Variants in TRIM14 observed in about 807,000 individuals in gnomAD.
TRIM14 encodes tripartite motif containing 14.
In TRIM14, 28 loss-of-function variants were observed where a neutral mutation model predicts 44.5. The observed-to-expected ratio is 0.63, with a 90% CI of 0.47 to 0.86. TRIM14 has a LOEUF of 0.86. TRIM14 is among the 40% of genes least tolerant of loss of function. TRIM14 has a pLI of 0.00. For synonymous variants in TRIM14, 299 were observed against 269.2 expected (o/e 1.11, Z -1.08); for missense variants, 607 against 611.1 (o/e 0.99, Z 0.07).
chr9:98,100,936 A>G (rs2118463140), intron 2 of TRIM14, among the ~76,000 whole-genome samples: 1 of 152,278 alleles, frequency 6.6e-6, no homozygotes, highest in African/African-American at 2.4e-5. Flanking sequence ...CCCAAAGAAT[A>G]AATCAATTAG....
rs1226695623 is a variant in TRIM14 at position 98,119,090 on chromosome 9, C to T, written c.99G>A (p.Glu33=). ...RCPEHGDRVA[E]LFCRRCRRCV... ...AGCGGCGGCAGCGGCGACAGAAGAG[C>T]TCAGCCACGCGGTCGCCATGCTCCG... is the stretch of plus-strand genomic sequence containing the variant. The change falls in exon 1 of 6, where the codon GAG becomes GAA. Residue 33 remains glutamate (E), a synonymous_variant. Transcript: ENST00000341469. 1 of 1,586,486 alleles carries T rather than the reference C, an allele frequency of 6.3e-7. No individual in the cohort carries two copies. The highest frequency in any genetic ancestry group is 2.3e-5 in the East Asian group (1 of 43,472).
chr9:98,036,069 C>T, the TRIM14 span, among the ~76,000 whole-genome samples: 9,568 of 151,456 alleles, frequency 0.063, 966 homozygotes, highest in African/African-American at 0.22. Context: ...ATTAGCCAGG[C>T]GTGGTGGCAT....
chr9:98,111,096 C>T (rs1243456504), intron 1 of TRIM14, among the ~76,000 whole-genome samples: 1 of 151,944 alleles, frequency 6.6e-6, no homozygotes, highest in Non-Finnish European at 1.5e-5. Flanking sequence ...AGCTTCTTTC[C>T]CAACCAGCCA....
At chr9:98,089,713 A>G (rs1283341907) in intron 5 of TRIM14, among the ~76,000 whole-genome samples, 4 of 152,200 alleles carry the variant, frequency 2.6e-5, no homozygotes, top group Admixed American at 6.5e-5. Flanking sequence ...TCTGCCCTCA[A>G]TGGCACCAGC....
Position 98,087,985 on chromosome 9 carries a change from C to A in TRIM14, c.814G>T (p.Asp272Tyr). 6.4e-7 allele frequency: 1 copy of A among 1,553,888 alleles called. No individual in the cohort carries two copies. The highest frequency in any genetic ancestry group is 8.6e-7 in the Non-Finnish European group (1 of 1,161,848). The stretch of plus-strand genomic sequence containing the variant: ...AGGCGCGCGTGCATCGTGTCAGGAT[C>A]CAGCGTGGGCGTGCGCGCGTCTGCA... The part of the protein sequence containing the change: ...LLKYARTPTL[D>Y]PDTMHARLRL... The change falls in exon 6 of 6, where the codon GAT (aspartate) becomes TAT (tyrosine). Residue 272 changes from aspartate to tyrosine, a missense_variant. This residue lies in a region of TRIM14 where 356 missense variants were observed against 323.0 expected (regional missense o/e 1.10). Transcript: ENST00000341469.
chr9:98,109,752 A>T (rs1374371188), intron 2 of TRIM14, 137 bp downstream of exon 2: 2 of 711,196 alleles, frequency 2.8e-6, no homozygotes, highest in African/African-American at 1.8e-5. Flanking sequence ...AGAACCCTGA[A>T]TTATAGAAGC....
intron 2 of TRIM14, among the ~76,000 whole-genome samples, chr9:98,101,679 C>A (rs1030735175): frequency 1.3e-5 from 2 of 151,926 alleles, no homozygotes; most frequent in Admixed American, 1.3e-4. Context: ...CCTTGGTCCC[C>A]CAAAGTGCTG....
At chr9:98,107,536 A>C (rs1826663589) in intron 2 of TRIM14, among the ~76,000 whole-genome samples, 1 of 152,240 alleles carries the variant, frequency 6.6e-6, no homozygotes, top group Admixed American at 6.5e-5. Flanking sequence ...TGAGTGAAAA[A>C]TACCTCAAAA....
downstream of TRIM14, among the ~76,000 whole-genome samples, chr9:98,068,417 G>A (rs1300882853): frequency 1.3e-5 from 2 of 151,812 alleles, no homozygotes; most frequent in Admixed American, 6.6e-5. Flanking sequence ...AGGATTACAG[G>A]TGTCAGCCAC....
Position 98,087,359 on chromosome 9 carries a change from A to C in TRIM14, c.*111T>G. On this transcript the variant is annotated 3_prime_UTR_variant, in exon 6 of 6. Transcript: ENST00000341469. ...TTGGTCGGGGAAAGCTGGGGCAGGG[A>C]GAGGGCCCTAAGAAGCAGGCAGTAA... 2 of 1,482,558 alleles carry C rather than the reference A, an allele frequency of 1.3e-6. No individual in the cohort carries two copies. Among genetic ancestry groups the C allele is most frequent in the Non-Finnish European group, 1.9e-6 (2 of 1,060,990 alleles). The allele number at this position is 1,482,558 out of a possible 1,614,324, so 91.8% of individuals were successfully genotyped here. A position where few individuals can be genotyped will look rare whatever the true frequency, so the allele number is the denominator to read the frequency against.
downstream of TRIM14, among the ~76,000 whole-genome samples, chr9:98,079,596 AATG>A (rs1829756966): frequency 6.6e-6 from 1 of 152,220 alleles, no homozygotes; most frequent in African/African-American, 2.4e-5. Context: ...AAAATTTAAA[AATG>A]ATTTCTGTGA....
At chr9:98,097,273 T>C (rs1341065085) in intron 3 of TRIM14, among the ~76,000 whole-genome samples, 1 of 152,194 alleles carries the variant, frequency 6.6e-6, no homozygotes, top group African/African-American at 2.4e-5. Flanking sequence ...AAGGCCTTCA[T>C]GAACTAACTA....
chr9:98,087,608 G>T lies in TRIM14; in HGVS notation c.1191C>A (p.Tyr397Ter). The T allele has an allele frequency of 6.2e-7, 1 of 1,601,372 alleles. No homozygotes were observed. Reference sequence around the variant, plus strand: ...CGTAGAAGGCGAGGACGCCGGCCTCGTAGTCCAGGAAGACGCCGAGCCGGT... The same window carrying T: ...CGTAGAAGGCGAGGACGCCGGCCTCTTAGTCCAGGAAGACGCCGAGCCGGT... ...DLDRLGVFLDYEAGVLAFYDV... is the reference protein window; with the variant it reads ...DLDRLGVFLD Residue 397 changes from tyrosine to a stop codon, truncating the protein, a stop_gained, in exon 6 of 6, where the codon TAC becomes TAA. Coordinates refer to ENST00000341469, the MANE Select transcript of TRIM14 (RefSeq NM_014788.4). LOFTEE classifies it high-confidence loss of function.
chr9:98,073,590 C>CTTT (rs34969073), intron 6 of TRIM14, among the ~76,000 whole-genome samples: 5 of 141,672 alleles, frequency 3.5e-5, no homozygotes, highest in African/African-American at 1.3e-4. Context: ...GCCTGGGCTT[C>CTTT]TTTTTTTTTT....
At chr9:98,046,473 T>C in the TRIM14 span, among the ~76,000 whole-genome samples, 57,961 of 151,684 alleles carry the variant, frequency 0.38, 13,708 homozygotes, top group African/African-American at 0.67. Context: ...TGGAGTTTCG[T>C]TCTTGTTGCC....
the TRIM14 span, among the ~76,000 whole-genome samples, chr9:98,055,286 T>C: frequency 5.3e-5 from 8 of 152,290 alleles, no homozygotes; most frequent in African/African-American, 1.9e-4. Context: ...CCCAAAGTGC[T>C]AGGATTACAG....
intron 3 of TRIM14, among the ~76,000 whole-genome samples, chr9:98,097,851 A>G (rs984419564): frequency 2.6e-5 from 4 of 152,236 alleles, no homozygotes; most frequent in Non-Finnish European, 5.9e-5. Flanking sequence ...AAAAACGACC[A>G]TTATTTAAAA....
chr9:98,067,523 C>A (rs1355151655), downstream of TRIM14, among the ~76,000 whole-genome samples: 2 of 151,568 alleles, frequency 1.3e-5, no homozygotes, highest in African/African-American at 4.8e-5. Flanking sequence ...ATCTGCATAT[C>A]TTCTTTGGAA....
Position 98,091,893 on chromosome 9 carries a change from C to T in TRIM14, c.793+16G>A, listed in dbSNP as rs200416495. 2,200 of 1,573,852 alleles carry T rather than the reference C, an allele frequency of 1.4e-3. 2 individuals are homozygous for T. Among genetic ancestry groups the T allele is most frequent in the Non-Finnish European group, 1.8e-3 (2,085 of 1,155,662 alleles). ...CTCCACCGTCTCCACCCTATCCCCA[C>T]TCCCGGGGGTCTTACATTTCAGCAA... On this transcript the variant is annotated intron_variant, in intron 5 of 5. Coordinates refer to ENST00000341469, the MANE Select transcript of TRIM14 (RefSeq NM_014788.4).
Sources: gnomAD v4.1 joint callset for allele counts (sites outside exome capture counted in the v4.1 genomes callset) on GRCh38, gnomAD v4.1.1 for gene constraint, gnomAD v4.1.1 regional missense constraint, MANE v1.5 for transcripts, NCBI Gene and HGNC (gene_info 2026-07-23, HGNC 2026-07-21) for gene names.